Variants in SPRYD3 observed in about 807,000 individuals in gnomAD.
SPRYD3 encodes the protein SPRY domain-containing protein 3.
Under a neutral mutation model 50.1 loss-of-function variants are expected in SPRYD3, and 17 were observed. That is an observed-to-expected ratio of 0.34 (90% CI 0.23 to 0.51). SPRYD3 has a LOEUF of 0.51. Ranked by LOEUF, SPRYD3 falls within the 20% of genes least tolerant of loss-of-function variation. The pLI is 0.97. For synonymous variants in SPRYD3, 198 were observed against 215.5 expected (o/e 0.92, Z 0.71); for missense variants, 401 against 591.2 (o/e 0.68, Z 3.34).
chr12:53,076,379 C>G (rs560981556), intron 2 of SPRYD3, among the ~76,000 whole-genome samples: 1 of 152,322 alleles, frequency 6.6e-6, no homozygotes, highest in African/African-American at 2.4e-5. Context: ...GAAACACACA[C>G]AAGCTAAGGG....
Position 53,074,145 on chromosome 12 carries a change from A to G in SPRYD3, c.507+504T>C, listed in dbSNP as rs1944571660. Among the ~76,000 whole-genome samples the G allele has an allele frequency of 6.6e-6, 1 of 152,114 alleles. No homozygotes were observed. Among genetic ancestry groups the G allele is most frequent in the South Asian group, 2.1e-4 (1 of 4,822 alleles). On this transcript the variant is annotated intron_variant, in intron 5 of 10. Coordinates refer to ENST00000301463, the MANE Select transcript of SPRYD3 (RefSeq NM_032840.3). The surrounding 1 kb of genome is among the most constrained non-coding windows in gnomAD (Gnocchi z 4.6). ...AGATGGAGTTGGAGAGAAGGGAGAG[A>G]GCTGTGTGTCTCTCTCTACTATTGG...
intron 3 of SPRYD3, among the ~76,000 whole-genome samples, chr12:53,075,527 G>A (rs1226583517): frequency 6.6e-6 from 1 of 152,174 alleles, no homozygotes; most frequent in Non-Finnish European, 1.5e-5. Flanking sequence ...AGGGGTAGGA[G>A]AGCAGAAGGG....
chr12:53,073,262 C>A lies in SPRYD3; in HGVS notation c.693+24G>T, dbSNP rs754873013. 2 of 145,518 alleles carry A rather than the reference C, an allele frequency of 1.4e-5. 1 individual carries two copies. Among genetic ancestry groups the A allele is most frequent in the Non-Finnish European group, 3.1e-5 (2 of 64,610 alleles). The allele number at this position is 145,518 out of a possible 1,614,324, so 9.0% of individuals were successfully genotyped here. ...CCCAGCCTCCTCCGACCCAGCCCCT[C>A]CCACCCTCCCACCCGCTACTTACAG... is the stretch of plus-strand genomic sequence containing the variant. On this transcript the variant is annotated intron_variant, in intron 6 of 10. Coordinates refer to ENST00000301463, the MANE Select transcript of SPRYD3 (RefSeq NM_032840.3).
intron 10 of SPRYD3, 117 bp downstream of exon 10, chr12:53,066,197 G>GGCAACGCC (rs934658239): frequency 9.5e-5 from 145 of 1,524,954 alleles, no homozygotes; most frequent in Non-Finnish European, 1.2e-4. Context: ...ACAGCCCTTG[G>GGCAACGCC]GCAACGCCAG....
At chr12:53,068,053 G>T in intron 7 of SPRYD3, 102 bp downstream of exon 7, 1 of 1,389,990 alleles carries the variant, frequency 7.2e-7, no homozygotes, top group Non-Finnish European at 1.0e-6. Context: ...TCCCTCCAAA[G>T]CCTGGGCTCC....
Position 53,069,004 on chromosome 12 carries a change from C to T in SPRYD3, c.694-700G>A, listed in dbSNP as rs1349853440. Among the ~76,000 whole-genome samples, 56 of 152,112 alleles carry T rather than the reference C, an allele frequency of 3.7e-4. 1 individual carries two copies. The highest frequency in any genetic ancestry group is 3.7e-3 in the Admixed American group (56 of 15,276). On this transcript the variant is annotated intron_variant, in intron 6 of 10. Transcript: ENST00000301463. ...AAGACAGAGGCAGGCTTAGCTGTTCCCAGCCCCTCATTGCTCATTCAAGTT... is the reference window on the plus strand; with the variant it reads ...AAGACAGAGGCAGGCTTAGCTGTTCTCAGCCCCTCATTGCTCATTCAAGTT...
In SPRYD3 at chr12:53,079,308, T is replaced by G; in HGVS notation, c.23+3A>C. 14 of 1,606,826 alleles carry G rather than the reference T, an allele frequency of 8.7e-6. No individual in the cohort carries two copies. The highest frequency in any genetic ancestry group is 1.2e-5 in the Non-Finnish European group (14 of 1,176,952). On this transcript the variant is annotated splice_donor_region_variant and intron_variant, in intron 1 of 10. Transcript: ENST00000301463. ...CGGGACCCCGCCCCCGATCCCCGCC[T>G]ACCGGGGCCGCCGCGTCCTCCTCAT...
At chr12:53,073,572 T>C (rs1050687476) in intron 5 of SPRYD3, 101 bp from the exon 6 acceptor site, 29 of 993,152 alleles carry the variant, frequency 2.9e-5, no homozygotes, top group Non-Finnish European at 3.8e-5. Context: ...CAGCCGGGCG[T>C]GGTGGCTCAC....
Position 53,065,986 on chromosome 12 carries a change from A to G in SPRYD3, c.1195-20T>C. 4 of 1,608,612 alleles carry G rather than the reference A, an allele frequency of 2.5e-6. No homozygotes were observed. The highest frequency in any genetic ancestry group is 3.4e-6 in the Non-Finnish European group (4 of 1,176,214). ...GAAAACCTGGGGAGGAGGTGGGGAG[A>G]AGAATGGAGCAAGCAGGCTGTGGCC... On this transcript the variant is annotated intron_variant, in intron 10 of 10. Coordinates refer to ENST00000301463, the MANE Select transcript of SPRYD3 (RefSeq NM_032840.3).
chr12:53,075,883 C>T, intron 2 of SPRYD3, 72 bp from the exon 3 acceptor site: 1 of 1,182,970 alleles, frequency 8.5e-7, no homozygotes, highest in East Asian at 2.3e-5. Flanking sequence ...TCAGCTTCTC[C>T]CACCCTTACC....
chr12:53,068,158 C>T lies in SPRYD3; in HGVS notation c.840G>A (p.Arg280=). The change falls in exon 7 of 11, where the codon CGG becomes CGA. Residue 280 remains arginine (R), a synonymous_variant. Transcript: ENST00000301463. ...EKCYIALGLA[R]KDYPKNRHPG... is the part of the protein sequence containing the mutation. ...AAAGCTCAGCCTTTGTGCCCACCTT[C>T]CGTGCCAGCCCCAGGGCGATGTAGC... 1 of 1,614,236 alleles carries T rather than the reference C, an allele frequency of 6.2e-7. No individual in the cohort carries two copies. Among genetic ancestry groups the T allele is most frequent in the Non-Finnish European group, 8.5e-7 (1 of 1,180,020 alleles).
In SPRYD3 at chr12:53,077,264, G is replaced by A. The variant is rs1944595959; in HGVS notation, c.24-3C>T. ...CCATCTTGTTCATGAGAACAAACCT[G>A]CCAAGGGGAGAAGGGGATTGAGGAG... On this transcript the variant is annotated splice_region_variant and splice_polypyrimidine_tract_variant and intron_variant, in intron 1 of 10. Coordinates refer to ENST00000301463, the MANE Select transcript of SPRYD3 (RefSeq NM_032840.3). 2.5e-6 allele frequency: 4 copies of A among 1,614,134 alleles called. No homozygotes were observed. Among genetic ancestry groups the A allele is most frequent in the Non-Finnish European group, 3.4e-6 (4 of 1,179,976 alleles).
chr12:53,078,484 C>CAAA (rs79320546), intron 1 of SPRYD3, among the ~76,000 whole-genome samples: 1 of 68,726 alleles, frequency 1.5e-5, no homozygotes, highest in East Asian at 4.1e-4. Context: ...AACTCCATCT[C>CAAA]AAAAAAAAAA....
intron 6 of SPRYD3, among the ~76,000 whole-genome samples, chr12:53,070,930 C>G (rs1056780139): frequency 3.0e-4 from 45 of 152,184 alleles, no homozygotes; most frequent in Admixed American, 2.8e-3. Context: ...ACACACATAC[C>G]ACCAAAGCCC....
At position 53,079,385 on chromosome 12, in the gene SPRYD3, A is replaced by T; in HGVS notation, c.-52T>A. On this transcript the variant is annotated 5_prime_UTR_variant, in exon 1 of 11. Transcript: ENST00000301463. ...AGCTCTTCGGCCGCCGCCACCACAC[A>T]CATCCGGGTCCCCGCCTTTCCTTCA... The T allele has an allele frequency of 6.3e-7, 1 of 1,579,930 alleles. No individual in the cohort carries two copies. Among genetic ancestry groups the T allele is most frequent in the Non-Finnish European group, 8.6e-7 (1 of 1,162,652 alleles).
intron 1 of SPRYD3, among the ~76,000 whole-genome samples, chr12:53,078,654 T>C (rs901208966): frequency 6.6e-6 from 1 of 152,130 alleles, no homozygotes; most frequent in Non-Finnish European, 1.5e-5. Context: ...GCAGCGCCGA[T>C]GGATGGGGGT....
intron 8 of SPRYD3, among the ~76,000 whole-genome samples, chr12:53,067,376 G>A (rs1383572728): frequency 1.3e-5 from 2 of 152,130 alleles, no homozygotes; most frequent in African/African-American, 4.8e-5. Context: ...GGAAATGAGG[G>A]TCTGCAGGAA....
intron 3 of SPRYD3, 32 bp from the exon 4 acceptor site, chr12:53,075,251 G>A (rs1285561525): frequency 6.3e-7 from 1 of 1,584,314 alleles, no homozygotes; most frequent in South Asian, 1.1e-5. Context: ...ACAGTCAGCA[G>A]GGCTGGGAAA....
In SPRYD3 at chr12:53,073,272, C is replaced by A. The variant is rs763438781; in HGVS notation, c.693+14G>T. On this transcript the variant is annotated intron_variant, in intron 6 of 10. Transcript: ENST00000301463. ...TCCGACCCAGCCCCTCCCACCCTCC[C>A]ACCCGCTACTTACAGTCCCACAGAC... is the stretch of plus-strand genomic sequence containing the variant. 3.3e-6 allele frequency: 1 copy of A among 300,588 alleles called. No homozygotes were observed. The highest frequency in any genetic ancestry group is 1.2e-4 in the East Asian group (1 of 8,358). The allele number at this position is 300,588 out of a possible 1,614,324, so 18.6% of individuals were successfully genotyped here. A position where few individuals can be genotyped will look rare whatever the true frequency, so the allele number is the denominator to read the frequency against.
Sources: allele counts gnomAD v4.1 joint callset (sites outside exome capture counted in the v4.1 genomes callset), GRCh38; gene constraint gnomAD v4.1.1; non-coding constraint Gnocchi (gnomAD v3.1); transcripts MANE v1.5; gene names NCBI Gene and HGNC (gene_info 2026-07-23, HGNC 2026-07-21).